ATAD2B: variants seen among roughly 807,000 people sequenced by gnomAD.
ATAD2B encodes ATPase family AAA domain containing 2B, also known as ATPase family AAA domain-containing protein 2B.
In ATAD2B, 40 loss-of-function variants were observed where a neutral mutation model predicts 167.6. The observed-to-expected ratio is 0.24, with a 90% confidence interval of 0.19 to 0.31. The LOEUF is 0.31. ATAD2B is among the 10% of genes least tolerant of loss of function. The pLI, the probability that ATAD2B is intolerant of heterozygous loss-of-function variation, is 1.00. For synonymous variants in ATAD2B, 579 were observed against 596.5 expected (o/e 0.97, Z 0.43); for missense variants, 1,242 against 1,757.2 (o/e 0.71, Z 5.24).
the ATAD2B span, chr2:23,691,475 G>A: frequency 1.7e-6 from 1 of 599,726 alleles, no homozygotes; most frequent in East Asian, 2.8e-5. Context: ...AGGGTTTTCT[G>A]TTCTTTTGGG....
chr2:23,695,874 G>A, the ATAD2B span: 1 of 1,535,376 alleles, frequency 6.5e-7, no homozygotes, highest in Non-Finnish European at 8.8e-7. The surrounding 1 kb of genome is among the most constrained non-coding windows in gnomAD (Gnocchi z 7.6). Context: ...TGGGCTCAGT[G>A]GTTCCAGTGA....
At position 23,829,060 on chromosome 2, in the gene ATAD2B, T is replaced by C. The variant is rs1017970835; in HGVS notation, c.1729-121A>G. On this transcript the variant is annotated intron_variant, in intron 14 of 27. Coordinates refer to ENST00000238789, the MANE Select transcript of ATAD2B (RefSeq NM_017552.4). ...TTTGACTAACAATCCCATTAAAATT[T>C]TTATTTTAAAAAAAATTTAAACACC... is the stretch of plus-strand genomic sequence containing the variant. 41 of 644,674 alleles carry C rather than the reference T, an allele frequency of 6.4e-5. No individual in the cohort carries two copies. The African/African-American group carries it at 7.6e-4, about 12-fold the overall frequency. The allele number at this position is 644,674 out of a possible 1,614,324, so 39.9% of individuals were successfully genotyped here.
chr2:23,834,122 T>C, intron 13 of ATAD2B, 44 bp from the exon 14 acceptor site: 1 of 834,738 alleles, frequency 1.2e-6, no homozygotes, highest in Non-Finnish European at 1.8e-6. Flanking sequence ...TTGTAAACAC[T>C]GCTGCTTACA....
intron 10 of ATAD2B, among the ~76,000 whole-genome samples, chr2:23,867,144 A>C (rs1695257491): frequency 6.6e-6 from 1 of 152,210 alleles, no homozygotes; most frequent in Admixed American, 6.5e-5. Flanking sequence ...TCAGATACCT[A>C]AACATGTATT....
the ATAD2B span, among the ~76,000 whole-genome samples, chr2:23,692,380 G>T: frequency 6.6e-6 from 1 of 152,250 alleles, no homozygotes; most frequent in South Asian, 2.1e-4. Flanking sequence ...CTCCCGGGGG[G>T]GTCGCTGACC....
the ATAD2B span, chr2:23,703,409 G>A: frequency 6.9e-7 from 1 of 1,439,706 alleles, no homozygotes; most frequent in Non-Finnish European, 9.1e-7. Flanking sequence ...TCAGCCCAGG[G>A]CCAGGGTCGC....
At chr2:23,858,685 G>A (rs551603362) in intron 12 of ATAD2B, among the ~76,000 whole-genome samples, 110 of 151,826 alleles carry the variant, frequency 7.2e-4, no homozygotes, top group Middle Eastern at 3.4e-3. Context: ...TTCTCACTAT[G>A]TTGCCCGGGA....
At chr2:23,700,773 T>G in the ATAD2B span, among the ~76,000 whole-genome samples, 1 of 152,196 alleles carries the variant, frequency 6.6e-6, no homozygotes, top group African/African-American at 2.4e-5. This position sits in a 1 kb window ranked among gnomAD's most constrained non-coding sequence, Gnocchi z 4.6. Context: ...TGAAGTGCCC[T>G]TGACTACAGA....
At chr2:23,909,648 C>T (rs1701986300) in intron 1 of ATAD2B, among the ~76,000 whole-genome samples, 1 of 151,844 alleles carries the variant, frequency 6.6e-6, no homozygotes, top group Non-Finnish European at 1.5e-5. Flanking sequence ...GGTTATCCCT[C>T]GGAAGAACAA....
chr2:23,872,110 T>C (rs1378207006), intron 8 of ATAD2B, among the ~76,000 whole-genome samples: 1 of 152,156 alleles, frequency 6.6e-6, no homozygotes, highest in Non-Finnish European at 1.5e-5. Context: ...ACTCCTGACC[T>C]CATGATTCGC....
chr2:23,737,011 CTGAG>C, the ATAD2B span, among the ~76,000 whole-genome samples: 1 of 152,300 alleles, frequency 6.6e-6, no homozygotes, highest in Non-Finnish European at 1.5e-5. Flanking sequence ...GCCTGCATTG[CTGAG>C]TTAGTTGTTT....
Position 23,757,511 on chromosome 2 carries a change from G to T in ATAD2B, c.3985C>A (p.Leu1329Ile). The change falls in exon 25 of 28, where the codon CTT becomes ATT. Residue 1329 changes from leucine to isoleucine, a missense_variant. Around this residue, in one of 9 missense-constraint regions of ATAD2B, gnomAD observed 282 missense variants for 346.8 expected, o/e 0.81. Coordinates refer to ENST00000238789, the MANE Select transcript of ATAD2B (RefSeq NM_017552.4). Reference sequence around the variant, plus strand: ...CATTCCAGTGCCTCTAGTTTCTCAAGATCATCTCCATGATTTTCAGTCGAA... The same window carrying T: ...CATTCCAGTGCCTCTAGTTTCTCAATATCATCTCCATGATTTTCAGTCGAA... ...ETSTENHGDD[L>I]EKLEALECSN... 6.3e-7 allele frequency: 1 copy of T among 1,579,398 alleles called. No individual in the cohort carries two copies. The highest frequency in any genetic ancestry group is 1.2e-5 in the South Asian group (1 of 83,096).
At position 23,823,404 on chromosome 2, in the gene ATAD2B, G is replaced by A. The variant is rs1687770634; in HGVS notation, c.1985C>T (p.Pro662Leu). ...AGACATCACAGCACGTTGGGAAGCA[G>A]GCACGATATTCTGCATTGCATGGTA... ...DFYHAMQNIV[P>L]ASQRAVMSSG... Residue 662 changes from proline to leucine, a missense_variant, in exon 16 of 28, where the codon CCT becomes CTT. This residue lies in a region of ATAD2B where 145 missense variants were observed against 181.9 expected (regional missense o/e 0.80). Transcript: ENST00000238789. The A allele has an allele frequency of 6.2e-7, 1 of 1,613,832 alleles. No individual in the cohort carries two copies. The highest frequency in any genetic ancestry group is 8.5e-7 in the Non-Finnish European group (1 of 1,179,878).
At chr2:23,813,320 TTATAA>T (rs888942360) in intron 17 of ATAD2B, among the ~76,000 whole-genome samples, 34 of 148,122 alleles carry the variant, frequency 2.3e-4, no homozygotes, top group East Asian at 3.9e-4. Flanking sequence ...TGTTGTTATT[TTATAA>T]TATATTATAA....
chr2:23,854,626 C>T (rs906012011), intron 13 of ATAD2B, among the ~76,000 whole-genome samples: 3 of 145,502 alleles, frequency 2.1e-5, no homozygotes, highest in Admixed American at 1.4e-4. Context: ...TGCAGTGAGC[C>T]AAGATCGTGC....
intron 18 of ATAD2B, among the ~76,000 whole-genome samples, chr2:23,808,787 T>C (rs1685062301): frequency 6.6e-6 from 1 of 152,186 alleles, no homozygotes; most frequent in Admixed American, 6.5e-5. Flanking sequence ...ATTCTTTTGA[T>C]GTGCTACTAG....
intron 12 of ATAD2B, 144 bp from the exon 13 acceptor site, chr2:23,857,647 C>T: frequency 5.0e-6 from 2 of 397,578 alleles, no homozygotes; most frequent in Non-Finnish European, 9.1e-6. Flanking sequence ...ATCTTACCAC[C>T]CAGTTTCCAA....
In ATAD2B at chr2:23,751,361, T is replaced by C. The variant is rs554704423; in HGVS notation, c.*685A>G. Reference sequence around the variant, plus strand: ...TTCATACCCAAACACTGGTTGTCTCTTAATGACATAGAGTATCAAAACTTA... The same window carrying C: ...TTCATACCCAAACACTGGTTGTCTCCTAATGACATAGAGTATCAAAACTTA... On this transcript the variant is annotated 3_prime_UTR_variant, in exon 28 of 28. Coordinates refer to ENST00000238789, the MANE Select transcript of ATAD2B (RefSeq NM_017552.4). 1 of 152,250 alleles carries C rather than the reference T, an allele frequency of 6.6e-6. No homozygotes were observed. The highest frequency in any genetic ancestry group is 2.4e-5 in the African/African-American group (1 of 41,556). 9.4% of individuals were successfully genotyped at this position (152,250 alleles called of 1,614,324 possible).
At chr2:23,755,845 T>TA (rs1405771928) in intron 25 of ATAD2B, among the ~76,000 whole-genome samples, 4 of 152,208 alleles carry the variant, frequency 2.6e-5, no homozygotes, top group Non-Finnish European at 5.9e-5. Flanking sequence ...AAAGACTTCA[T>TA]AGTTCAATTA....
Sources: gnomAD v4.1 joint callset for allele counts (sites outside exome capture counted in the v4.1 genomes callset) on GRCh38, gnomAD v4.1.1 for gene constraint, gnomAD v4.1.1 regional missense constraint, Gnocchi (gnomAD v3.1) non-coding constraint, MANE v1.5 for transcripts, NCBI Gene and HGNC (gene_info 2026-07-23, HGNC 2026-07-21) for gene names.